The following DDHD2 variants were observed in gnomAD, a reference collection of about 807,000 sequenced individuals.
DDHD2 encodes DDHD domain containing 2, also known as triacylglycerol hydrolase DDHD2.
In DDHD2, 62 loss-of-function variants were observed where a neutral mutation model predicts 91.2. That is an observed-to-expected ratio of 0.68 (90% CI 0.55 to 0.84). DDHD2 has a LOEUF of 0.84. DDHD2 is among the 40% of genes least tolerant of loss of function. DDHD2 has a pLI of 0.00. For synonymous variants in DDHD2, 271 were observed against 293.9 expected, an observed-to-expected ratio of 0.92 and a Z score of 0.80; for missense variants, 740 against 846.9, an observed-to-expected ratio of 0.87 and a Z score of 1.57.
intron 1 of DDHD2, among the ~76,000 whole-genome samples, chr8:38,232,752 A>C (rs1011535277): frequency 3.9e-5 from 6 of 152,224 alleles, no homozygotes; most frequent in Non-Finnish European, 7.3e-5. Flanking sequence ...AAAATTACCC[A>C]GTTTACTGAG....
At chr8:38,242,166 G>C in intron 6 of DDHD2, 84 bp from the exon 7 acceptor site, 6 of 1,074,066 alleles carry the variant, frequency 5.6e-6, no homozygotes, top group Non-Finnish European at 8.1e-6. Flanking sequence ...AATGTAGTTA[G>C]AGTATAATTA....
chr8:38,264,151 ATT>A (rs112738084), downstream of DDHD2: 315 of 857,868 alleles, frequency 3.7e-4, no homozygotes, highest in East Asian at 1.0e-3. Flanking sequence ...GATAGATTCA[ATT>A]TTTTTTTTTT....
At position 38,268,113 on chromosome 8, in the gene DDHD2, T is replaced by C; in HGVS notation, n.88-3009T>C. ...ATTAGGGTCCTCAGTGATCACTCTTTTGTAGCCGAGAACTTTTGTACTAGG... is the reference window on the plus strand; with the variant it reads ...ATTAGGGTCCTCAGTGATCACTCTTCTGTAGCCGAGAACTTTTGTACTAGG... On this transcript the variant is annotated intron_variant and non_coding_transcript_variant, in intron 1 of 1. Transcript: ENST00000526071. 2.1e-6 allele frequency: 3 copies of C among 1,459,110 alleles called. No homozygotes were observed. In the South Asian group the frequency reaches 4.3e-5, roughly 21 times the overall value. The allele number at this position is 1,459,110 out of a possible 1,614,324, so 90.4% of individuals were successfully genotyped here.
intron 1 of DDHD2, chr8:38,268,564 A>G: frequency 6.7e-7 from 1 of 1,500,134 alleles, no homozygotes. Context: ...TGGAGCTAAC[A>G]TAAGGTCTCT....
chr8:38,257,343 G>C (rs1806599713), intron 16 of DDHD2, among the ~76,000 whole-genome samples: 1 of 142,864 alleles, frequency 7.0e-6, no homozygotes, highest in East Asian at 2.1e-4. Flanking sequence ...CTGCCTCCCA[G>C]GTTCAAGCAA....
At chr8:38,242,583 T>A (rs1805336953) in intron 7 of DDHD2, among the ~76,000 whole-genome samples, 198 bp downstream of exon 7, 1 of 152,236 alleles carries the variant, frequency 6.6e-6, no homozygotes, top group African/African-American at 2.4e-5. Flanking sequence ...CAGTATGTTT[T>A]ACTGGCTCAC....
chr8:38,236,304 G>A (rs1302811847), intron 3 of DDHD2, among the ~76,000 whole-genome samples: 1 of 151,188 alleles, frequency 6.6e-6, no homozygotes, highest in Non-Finnish European at 1.5e-5. Context: ...GAGCCACCAC[G>A]CCCAGCCTTT....
At chr8:38,268,511 C>T in intron 1 of DDHD2, 1 of 1,544,210 alleles carries the variant, frequency 6.5e-7, no homozygotes, top group Non-Finnish European at 8.7e-7. Flanking sequence ...AAGCCACACT[C>T]GTGCTCCTAC....
chr8:38,247,341 T>C (rs1805722846), intron 9 of DDHD2: 1 of 155,562 alleles, frequency 6.4e-6, no homozygotes, highest in Admixed American at 6.5e-5. Flanking sequence ...AGACTGGTCT[T>C]GAACTCCTGA....
rs923266290 is a variant in DDHD2, at chr8:38,261,294, A to G, written c.*721A>G. The G allele has an allele frequency of 3.3e-5, 5 of 152,236 alleles. No homozygotes were observed. The highest frequency in any genetic ancestry group is 1.2e-4 in the African/African-American group (5 of 41,456). The allele number at this position is 152,236 out of a possible 1,614,324, so 9.4% of individuals were successfully genotyped here. A position where few individuals can be genotyped will look rare whatever the true frequency, so the allele number is the denominator to read the frequency against. ...TAGTTCATGTTAGGTGCATCTTTAT[A>G]AAGCAAAGATGTTGTATATCCTAGG... On this transcript the variant is annotated 3_prime_UTR_variant, in exon 18 of 18. Transcript: ENST00000397166.
intron 1 of DDHD2, chr8:38,268,652 G>A: frequency 7.0e-7 from 1 of 1,435,242 alleles, no homozygotes; most frequent in Non-Finnish European, 9.1e-7. Context: ...GGTACCTCAG[G>A]CTGAGGCACA....
chr8:38,247,994 C>T (rs924442438), intron 10 of DDHD2, among the ~76,000 whole-genome samples, 159 bp downstream of exon 10: 2 of 152,084 alleles, frequency 1.3e-5, no homozygotes, highest in Non-Finnish European at 2.9e-5. Context: ...ATCAAGTGAC[C>T]TTTGCTTTGT....
At chr8:38,264,853 G>T, downstream of DDHD2, 1 of 1,605,492 alleles carries the variant, frequency 6.2e-7, no homozygotes. Flanking sequence ...AATAAGCTTT[G>T]TTCAGAGTGT....
At chr8:38,248,348 A>C (rs904876668) in intron 10 of DDHD2, among the ~76,000 whole-genome samples, 3 of 147,626 alleles carry the variant, frequency 2.0e-5, no homozygotes, top group Admixed American at 6.8e-5. Flanking sequence ...TGTGTGAGCC[A>C]CCGTGCCCAG....
At chr8:38,257,475 C>T (rs887720698) in intron 16 of DDHD2, among the ~76,000 whole-genome samples, 19 of 151,682 alleles carry the variant, frequency 1.3e-4, no homozygotes, top group African/African-American at 4.6e-4. Flanking sequence ...TCTCAAACTT[C>T]TGACCTCAGG....
At chr8:38,268,375 G>A in intron 1 of DDHD2, 1 of 1,566,330 alleles carries the variant, frequency 6.4e-7, no homozygotes, top group Non-Finnish European at 8.7e-7. Context: ...GCTCACCCAG[G>A]CAGGCTTGTC....
At chr8:38,253,490 A>G in intron 15 of DDHD2, 66 bp from the exon 16 acceptor site, 1 of 1,390,978 alleles carries the variant, frequency 7.2e-7, no homozygotes, top group Non-Finnish European at 9.9e-7. Flanking sequence ...GTGTGAGGAG[A>G]AGTTAACAGG....
chr8:38,266,486 C>T (rs1308548657), downstream of DDHD2: 3 of 587,190 alleles, frequency 5.1e-6, no homozygotes, highest in South Asian at 2.1e-5. Flanking sequence ...CTGCAACCTC[C>T]ACCACCCGGG....
At chr8:38,268,396 T>G (rs1808054406) in intron 1 of DDHD2, 1 of 1,572,350 alleles carries the variant, frequency 6.4e-7, no homozygotes, top group Non-Finnish European at 8.6e-7. Context: ...TGCTGTCTCT[T>G]GTGTCTGCCT....
Sources: gnomAD v4.1 joint callset for allele counts (sites outside exome capture counted in the v4.1 genomes callset) on GRCh38, gnomAD v4.1.1 for gene constraint, MANE v1.5 for transcripts, NCBI Gene and HGNC (gene_info 2026-07-23, HGNC 2026-07-21) for gene names.